CENPE: variants seen among roughly 807,000 people sequenced by gnomAD.
CENPE encodes the protein centromere-associated protein E.
Under a neutral mutation model 336.1 loss-of-function variants are expected in CENPE, and 145 were observed. The ratio of observed to expected loss-of-function variants is 0.43; its 90% CI spans 0.38 to 0.50. The LOEUF is 0.50. Ranked by LOEUF, CENPE falls within the 20% of genes least tolerant of loss-of-function variation. The pLI is 0.00. For missense variants in CENPE, 2,719 were observed against 3,023.3 expected, an observed-to-expected ratio of 0.90 and a Z score of 2.36; for synonymous variants, 1,013 against 984.8, an observed-to-expected ratio of 1.03 and a Z score of -0.54.
chr4:103,163,084 G>A, intron 18 of CENPE, 53 bp downstream of exon 18: 2 of 1,476,598 alleles, frequency 1.4e-6, no homozygotes, highest in Non-Finnish European at 1.8e-6. Flanking sequence ...CTAAGATGAT[G>A]GTATGCTATA....
chr4:103,182,629 C>T (rs1483187306), intron 11 of CENPE, 133 bp downstream of exon 11: 1 of 633,134 alleles, frequency 1.6e-6, no homozygotes. Flanking sequence ...TTAAGAAATG[C>T]TATTTAGTAG....
chr4:103,138,525 T>C (rs1359283564), intron 38 of CENPE, 76 bp from the exon 39 acceptor site: 3 of 875,638 alleles, frequency 3.4e-6, no homozygotes, highest in Non-Finnish European at 5.7e-6. Flanking sequence ...CGCACACTTC[T>C]AAATTACATG....
At chr4:103,123,931 C>T (rs1428946459) in intron 42 of CENPE, among the ~76,000 whole-genome samples, 1 of 152,176 alleles carries the variant, frequency 6.6e-6, no homozygotes, top group African/African-American at 2.4e-5. Context: ...ATCAGGTAGG[C>T]ACTGTATCAT....
At position 103,147,444 on chromosome 4, in the gene CENPE, T is replaced by A; in HGVS notation, c.4046A>T (p.Lys1349Met). The change falls in exon 29 of 49, where the codon AAG (lysine) becomes ATG (methionine). Residue 1349 changes from lysine to methionine, a missense_variant. Coordinates refer to ENST00000265148, the MANE Select transcript of CENPE (RefSeq NM_001813.3). ...TATCGTTTTAAGGTTGTCTCTTTCC[T>A]TGGTTAGAGATTTTATCTCTTCCTG... is the stretch of plus-strand genomic sequence containing the variant. ...ESQEEIKSLT[K>M]ERDNLKTIKE... The A allele has an allele frequency of 6.2e-7, 1 of 1,614,074 alleles. No individual in the cohort carries two copies. The highest frequency in any genetic ancestry group is 8.5e-7 in the Non-Finnish European group (1 of 1,179,970).
intron 39 of CENPE, among the ~76,000 whole-genome samples, chr4:103,137,945 G>C (rs1752205960): frequency 1.3e-5 from 2 of 152,092 alleles, no homozygotes; most frequent in African/African-American, 2.4e-5. Flanking sequence ...CCCACAGCTT[G>C]CCTCTTCCCT....
chr4:103,121,421 T>C (rs1210145453), intron 43 of CENPE, among the ~76,000 whole-genome samples: 2 of 152,128 alleles, frequency 1.3e-5, no homozygotes, highest in African/African-American at 4.8e-5. Context: ...AATGTCTGGA[T>C]TTTTGGGGGC....
intron 24 of CENPE, among the ~76,000 whole-genome samples, chr4:103,153,531 C>T (rs1753727973): frequency 6.6e-6 from 1 of 152,150 alleles, no homozygotes; most frequent in Non-Finnish European, 1.5e-5. Flanking sequence ...TGTGCTCTTA[C>T]GTCTGTTCAC....
chr4:103,197,915 A>G (rs954882109), intron 1 of CENPE, among the ~76,000 whole-genome samples: 5 of 152,256 alleles, frequency 3.3e-5, no homozygotes, highest in African/African-American at 1.2e-4. Flanking sequence ...TAGGTGTAAA[A>G]TGACTAACTG....
At chr4:103,117,073 C>T (rs2125854866) in intron 44 of CENPE, among the ~76,000 whole-genome samples, 1 of 152,092 alleles carries the variant, frequency 6.6e-6, no homozygotes, top group Non-Finnish European at 1.5e-5. Context: ...GTGATGTAAA[C>T]ATCAAACTAG....
intron 46 of CENPE, among the ~76,000 whole-genome samples, chr4:103,114,164 A>G (rs1388384599): frequency 2.6e-5 from 4 of 152,168 alleles, no homozygotes; most frequent in Non-Finnish European, 4.4e-5. Context: ...GATATAGTAT[A>G]AGTCATTCCT....
intron 24 of CENPE, 49 bp from the exon 25 acceptor site, chr4:103,153,299 A>G (rs1345574419): frequency 1.6e-6 from 2 of 1,259,696 alleles, no homozygotes; most frequent in Middle Eastern, 2.6e-4. Flanking sequence ...GTTAACAACA[A>G]CTTTAAAAAA....
intron 42 of CENPE, among the ~76,000 whole-genome samples, chr4:103,127,388 G>A (rs923438472): frequency 6.6e-6 from 1 of 151,964 alleles, no homozygotes; most frequent in Non-Finnish European, 1.5e-5. Flanking sequence ...AAGACTTTCT[G>A]AGACAAACAA....
intron 47 of CENPE, among the ~76,000 whole-genome samples, chr4:103,109,979 CCCA>C (rs1749244940): frequency 6.6e-6 from 1 of 152,154 alleles, no homozygotes; most frequent in Non-Finnish European, 1.5e-5. Context: ...GTCTTTCAGT[CCCA>C]CCAATTAGTT....
chr4:103,184,705 T>A (rs1756613511), intron 9 of CENPE, among the ~76,000 whole-genome samples: 1 of 152,160 alleles, frequency 6.6e-6, no homozygotes, highest in Admixed American at 6.5e-5. Flanking sequence ...TTCACACAGT[T>A]TTAATTACTA....
intron 16 of CENPE, 65 bp downstream of exon 16, chr4:103,174,671 A>G: frequency 1.7e-6 from 2 of 1,186,390 alleles, no homozygotes; most frequent in Non-Finnish European, 1.1e-6. Context: ...TACATTATAG[A>G]AAAAAGAGAA....
Position 103,195,946 on chromosome 4 carries a change from G to C in CENPE, c.331C>G (p.His111Asp). 6.2e-7 allele frequency: 1 copy of C among 1,613,070 alleles called. No homozygotes were observed. The highest frequency in any genetic ancestry group is 8.5e-7 in the Non-Finnish European group (1 of 1,179,168). Reference protein sequence around the residue: ...DHLGVIPRAIHDIFQKIKKFP... With the variant: ...DHLGVIPRAIDDIFQKIKKFP... ...TTCTTAATTTTTTGGAAAATGTCATGAATTGCCCTGGGTATAACTCCCAAA... is the reference window on the plus strand; with the variant it reads ...TTCTTAATTTTTTGGAAAATGTCATCAATTGCCCTGGGTATAACTCCCAAA... The change falls in exon 4 of 49, where the codon CAT becomes GAT. Residue 111 changes from histidine (H) to aspartate (D), a missense_variant. His to Asp is a moderately conservative substitution (Grantham distance 81). Transcript: ENST00000265148.
chr4:103,157,820 TTGAA>T (rs1165577749), intron 24 of CENPE, among the ~76,000 whole-genome samples: 1 of 151,982 alleles, frequency 6.6e-6, no homozygotes, highest in Admixed American at 6.6e-5. Flanking sequence ...CAGTCTCCTA[TTGAA>T]TATTTTAAAA....
chr4:103,158,315 A>G lies in CENPE; in HGVS notation c.3018T>C (p.Asp1006=), dbSNP rs771195214. 1 of 1,604,908 alleles carries G rather than the reference A, an allele frequency of 6.2e-7. No individual in the cohort carries two copies. Among genetic ancestry groups the G allele is most frequent in the East Asian group, 2.2e-5 (1 of 44,640 alleles). Residue 1006 remains aspartate, a synonymous_variant, in exon 24 of 49, where the codon GAT becomes GAC. Transcript: ENST00000265148. ...HMEENTGETK[D]EFQQKMVGID... is the part of the protein sequence containing the mutation. ...CACCCTTTACCTTTTGCTGAAATTC[A>G]TCTTTAGTTTCTCCTGTATTTTCCT...
intron 40 of CENPE, among the ~76,000 whole-genome samples, chr4:103,135,082 C>A (rs960356849): frequency 6.6e-6 from 1 of 152,190 alleles, no homozygotes; most frequent in Admixed American, 6.5e-5. Context: ...ACTTTTCCAA[C>A]CTTGAACCCA....
Sources: allele counts gnomAD v4.1 joint callset (sites outside exome capture counted in the v4.1 genomes callset), GRCh38; gene constraint gnomAD v4.1.1; transcripts MANE v1.5; gene names NCBI Gene and HGNC (gene_info 2026-07-23, HGNC 2026-07-21).